The following CMTM4 variants were observed in gnomAD, a reference collection of about 807,000 sequenced individuals.
CMTM4 encodes the protein CKLF-like MARVEL transmembrane domain-containing protein 4.
A neutral mutation model predicts 19.0 loss-of-function variants in CMTM4; 8 were observed. That is an observed-to-expected ratio of 0.42 (90% CI 0.25 to 0.76). CMTM4 has a LOEUF of 0.76. CMTM4 is among the 30% of genes least tolerant of loss of function. CMTM4 has a pLI of 0.27. For missense variants in CMTM4, 228 were observed against 290.2 expected, an observed-to-expected ratio of 0.79 and a Z score of 1.56; for synonymous variants, 106 against 121.1, an observed-to-expected ratio of 0.88 and a Z score of 0.82.
intron 1 of CMTM4, among the ~76,000 whole-genome samples, chr16:66,691,207 C>G (rs1047649790): frequency 3.9e-5 from 6 of 152,058 alleles, no homozygotes; most frequent in African/African-American, 1.4e-4. Flanking sequence ...GGGAAGGGCT[C>G]AAGAAAGGGA....
chr16:66,682,939 G>T (rs2016941863), intron 1 of CMTM4, among the ~76,000 whole-genome samples: 2 of 151,806 alleles, frequency 1.3e-5, no homozygotes, highest in South Asian at 4.2e-4. Context: ...GATTGGCAAA[G>T]CCTCTTATGG....
intron 1 of CMTM4, among the ~76,000 whole-genome samples, chr16:66,673,432 T>C (rs1381347882): frequency 6.6e-6 from 1 of 150,898 alleles, no homozygotes; most frequent in Non-Finnish European, 1.5e-5. Context: ...GGTCTCGAAC[T>C]CCTGGATGCA....
At chr16:66,605,036 G>A in the CMTM4 span, 1 of 1,229,784 alleles carries the variant, frequency 8.1e-7, no homozygotes, top group South Asian at 1.9e-5. The surrounding 1 kb of genome is among the most constrained non-coding windows in gnomAD (Gnocchi z 4.6). Flanking sequence ...GGTGGGGTCC[G>A]GGGGCGGCCG....
chr16:66,611,912 G>C (rs1335943534), downstream of CMTM4, among the ~76,000 whole-genome samples: 1 of 152,102 alleles, frequency 6.6e-6, no homozygotes, highest in Non-Finnish European at 1.5e-5. Flanking sequence ...TTTTAGTTTG[G>C]GGGACAAGAA....
the CMTM4 span, among the ~76,000 whole-genome samples, chr16:66,603,579 G>A: frequency 2.0e-5 from 3 of 152,240 alleles, no homozygotes; most frequent in Middle Eastern, 3.4e-3. Flanking sequence ...GAGCCACAGC[G>A]CCTGACCTTC....
At chr16:66,611,112 T>C (rs1193010802), downstream of CMTM4, 2 of 382,458 alleles carry the variant, frequency 5.2e-6, no homozygotes, top group East Asian at 7.4e-5. Context: ...GTTTCACATA[T>C]GTAACAATTA....
At position 66,696,512 on chromosome 16, in the gene CMTM4, T is replaced by A. The variant is rs1370706689; in HGVS notation, c.14A>T (p.Glu5Val). The A allele has an allele frequency of 8.3e-7, 1 of 1,207,436 alleles. No individual in the cohort carries two copies. Among genetic ancestry groups the A allele is most frequent in the Non-Finnish European group, 1.0e-6 (1 of 971,822 alleles). The allele number at this position is 1,207,436 out of a possible 1,614,324, so 74.8% of individuals were successfully genotyped here. A position where few individuals can be genotyped will look rare whatever the true frequency, so the allele number is the denominator to read the frequency against. MRSG[E>V]ELDGFEGEAS... Reference sequence around the variant, plus strand: ...CTCGCCCTCGAAGCCGTCCAGCTCCTCGCCGCTCCGCATGCTGCCGCCCGG... The same window carrying A: ...CTCGCCCTCGAAGCCGTCCAGCTCCACGCCGCTCCGCATGCTGCCGCCCGG... The change falls in exon 1 of 4, where the codon GAG becomes GTG. Residue 5 changes from glutamate to valine, a missense_variant. By Grantham distance (121) the Glu-to-Val change is moderately radical (BLOSUM62 -2). Transcript: ENST00000394106. The surrounding 1 kb of genome is among the most constrained non-coding windows in gnomAD (Gnocchi z 4.3).
chr16:66,634,913 G>A (rs189735708), intron 2 of CMTM4, among the ~76,000 whole-genome samples: 4 of 152,278 alleles, frequency 2.6e-5, no homozygotes, highest in Admixed American at 1.3e-4. Context: ...CTGACTCAAT[G>A]CCTATAGTCT....
chr16:66,677,129 T>C (rs552001467), intron 1 of CMTM4, among the ~76,000 whole-genome samples: 1 of 152,230 alleles, frequency 6.6e-6, no homozygotes, highest in Admixed American at 6.5e-5. Context: ...CCAGCTACTC[T>C]AGAGCCTGAG....
rs1009652331 is a variant in CMTM4, at chr16:66,636,348, C to T, written c.363+57G>A. The T allele has an allele frequency of 1.9e-5, 28 of 1,439,740 alleles. No homozygotes were observed. In the African/African-American group the frequency reaches 2.1e-4, roughly 11 times the overall value. The allele number at this position is 1,439,740 out of a possible 1,614,324, so 89.2% of individuals were successfully genotyped here. On this transcript the variant is annotated intron_variant, in intron 2 of 3. Coordinates refer to ENST00000394106, the MANE Select transcript of CMTM4 (RefSeq NM_181521.3). Reference sequence around the variant, plus strand: ...ATGACCTGGAGAGATTCCAGCTTTTCCTTGGAGCCAACAGGCACGTGATCC... The same window carrying T: ...ATGACCTGGAGAGATTCCAGCTTTTTCTTGGAGCCAACAGGCACGTGATCC...
the CMTM4 span, among the ~76,000 whole-genome samples, chr16:66,603,400 G>A: frequency 2.0e-5 from 3 of 152,120 alleles, no homozygotes; most frequent in South Asian, 6.2e-4. Flanking sequence ...CGATTCTTGT[G>A]CCTCAGCCTC....
At chr16:66,603,093 T>C in the CMTM4 span, among the ~76,000 whole-genome samples, 1 of 152,176 alleles carries the variant, frequency 6.6e-6, no homozygotes, top group Admixed American at 6.5e-5. Flanking sequence ...TGGTCTGGGC[T>C]TGAGGGTCTT....
intron 2 of CMTM4, among the ~76,000 whole-genome samples, chr16:66,631,192 C>A (rs1486530048): frequency 2.7e-5 from 4 of 150,050 alleles, no homozygotes; most frequent in South Asian, 2.1e-4. Flanking sequence ...CCCGGCCAGC[C>A]GCCCTGTCCG....
At chr16:66,663,403 G>A (rs1216223637) in intron 1 of CMTM4, among the ~76,000 whole-genome samples, 1 of 151,134 alleles carries the variant, frequency 6.6e-6, no homozygotes, top group Non-Finnish European at 1.5e-5. Context: ...CTAATCAGGA[G>A]GCTGAAGCGG....
In CMTM4 at chr16:66,654,858, C is replaced by T. The variant is rs11860030; in HGVS notation, c.187-18277G>A. ...ACCATGCCCAAGAGTGAGTATTCAG[C>T]TAAATGGCAGCCACTGTCCTTACTA... On this transcript the variant is annotated intron_variant, in intron 1 of 3. Transcript: ENST00000394106. Among the ~76,000 whole-genome samples the T allele has an allele frequency of 6.8e-3, 1,035 of 152,306 alleles. 14 individuals carry two copies. The highest frequency in any genetic ancestry group is 0.024 in the African/African-American group (983 of 41,550).
chr16:66,607,595 C>T, the CMTM4 span, among the ~76,000 whole-genome samples: 1 of 152,186 alleles, frequency 6.6e-6, no homozygotes, highest in Admixed American at 6.5e-5. Context: ...TTTTTCTTTT[C>T]AAGGTGAAAT....
chr16:66,688,919 GT>G (rs1057410991), intron 1 of CMTM4, among the ~76,000 whole-genome samples: 17 of 152,102 alleles, frequency 1.1e-4, no homozygotes, highest in South Asian at 2.1e-4. Context: ...ACTGATATTG[GT>G]TTTTTTGTTT....
chr16:66,639,615 T>C (rs2144817188), intron 1 of CMTM4, among the ~76,000 whole-genome samples: 1 of 152,156 alleles, frequency 6.6e-6, no homozygotes. Flanking sequence ...CTCATGCCTG[T>C]AATCCCTTTG....
the CMTM4 span, chr16:66,609,508 A>G: frequency 4.4e-6 from 7 of 1,606,834 alleles, no homozygotes; most frequent in Non-Finnish European, 5.1e-6. This position sits in a 1 kb window ranked among gnomAD's most constrained non-coding sequence, Gnocchi z 4.4. Flanking sequence ...AAGTACTCGG[A>G]TGGGGCTTCC....
Sources: gnomAD v4.1 joint callset for allele counts (sites outside exome capture counted in the v4.1 genomes callset) on GRCh38, gnomAD v4.1.1 for gene constraint, Gnocchi (gnomAD v3.1) non-coding constraint, MANE v1.5 for transcripts, NCBI Gene and HGNC (gene_info 2026-07-23, HGNC 2026-07-21) for gene names.